Variants in GALNT10 observed in about 807,000 individuals in gnomAD.
The protein encoded by GALNT10 is GalNAc transferase 10.
Under a neutral mutation model 75.0 loss-of-function variants are expected in GALNT10, and 41 were observed. That is an observed-to-expected ratio of 0.55 (90% confidence interval 0.43 to 0.71). The LOEUF is 0.71. Ranked by LOEUF, GALNT10 falls within the 30% of genes least tolerant of loss-of-function variation. The pLI is 0.00. For missense variants in GALNT10, 727 were observed against 818.5 expected (o/e 0.89, Z 1.36); for synonymous variants, 302 against 313.0 (o/e 0.96, Z 0.37).
chr5:154,306,627 G>C (rs1183888127), intron 3 of GALNT10, among the ~76,000 whole-genome samples: 1 of 151,898 alleles, frequency 6.6e-6, no homozygotes, highest in Non-Finnish European at 1.5e-5. Flanking sequence ...ACTAGAAAAA[G>C]AAGAGCAAAT....
Position 154,415,836 on chromosome 5 carries a change from CAAG to C in GALNT10, c.1561_1563del (p.Lys521del), listed in dbSNP as rs1024673301. 1 of 1,613,998 alleles carries C rather than the reference CAAG, an allele frequency of 6.2e-7. No homozygotes were observed. The highest frequency in any genetic ancestry group is 1.3e-5 in the African/African-American group (1 of 74,908). ...TCCGGCCTGGAGACCCCCAGCACAC[CAAG>C]AAGTTCTGCTTTGATGCCATTTCCC... On this transcript the variant is annotated inframe_deletion, in exon 11 of 12. Coordinates refer to ENST00000297107, the MANE Select transcript of GALNT10 (RefSeq NM_198321.4).
chr5:154,236,513 G>A (rs1049398092), intron 1 of GALNT10, among the ~76,000 whole-genome samples: 6 of 152,150 alleles, frequency 3.9e-5, no homozygotes, highest in Admixed American at 6.5e-5. Flanking sequence ...TCTGTTAGAA[G>A]TATTTTTAAA....
intron 4 of GALNT10, among the ~76,000 whole-genome samples, chr5:154,346,141 T>C (rs958457971): frequency 6.8e-6 from 1 of 147,118 alleles, no homozygotes; most frequent in African/African-American, 2.5e-5. Context: ...CGTGTGTGCG[T>C]GTGTGTGTGT....
At chr5:154,211,765 GGAA>G (rs1775201932) in intron 1 of GALNT10, among the ~76,000 whole-genome samples, 1 of 152,064 alleles carries the variant, frequency 6.6e-6, no homozygotes, top group Admixed American at 6.6e-5. Flanking sequence ...CTTGGCAGCC[GGAA>G]GGAGACCGCA....
intron 1 of GALNT10, among the ~76,000 whole-genome samples, chr5:154,229,587 G>A (rs185780598): frequency 5.9e-5 from 9 of 152,110 alleles, no homozygotes; most frequent in South Asian, 4.1e-4. Flanking sequence ...AAAAAAATTC[G>A]CCGGGCATGG....
At chr5:154,219,867 C>CACACA (rs370278926) in intron 1 of GALNT10, among the ~76,000 whole-genome samples, 5 of 146,324 alleles carry the variant, frequency 3.4e-5, no homozygotes, top group South Asian at 2.2e-4. Flanking sequence ...CACACACACA[C>CACACA]CACAGAGAGA....
intron 1 of GALNT10, among the ~76,000 whole-genome samples, chr5:154,214,744 C>T (rs1752839945): frequency 6.6e-6 from 1 of 152,152 alleles, no homozygotes; most frequent in South Asian, 2.1e-4. Context: ...TTCTCTCCTC[C>T]ATTTTCTCAT....
intron 1 of GALNT10, among the ~76,000 whole-genome samples, chr5:154,198,748 T>A (rs1774982977): frequency 6.6e-6 from 1 of 150,600 alleles, no homozygotes; most frequent in African/African-American, 2.5e-5. Context: ...TGTTCTTTGG[T>A]TACTCCAGCC....
At chr5:154,226,242 T>C (rs1276853994) in intron 1 of GALNT10, among the ~76,000 whole-genome samples, 2 of 152,256 alleles carry the variant, frequency 1.3e-5, no homozygotes, top group Non-Finnish European at 2.9e-5. Context: ...ATCACCATAC[T>C]TTGACCTATA....
chr5:154,294,902 G>A lies in GALNT10; in HGVS notation c.246G>A (p.Arg82=), dbSNP rs771556400. ...KDWHDKEAIR[R]DAQRVGNGEQ... is the part of the protein sequence containing the mutation. ...GGCATGACAAGGAGGCCATCCGGAG[G>A]GACGCTCAGCGCGTAGGTACGGAGG... Residue 82 remains arginine, a synonymous_variant, in exon 2 of 12, where the codon AGG becomes AGA. Coordinates refer to ENST00000297107, the MANE Select transcript of GALNT10 (RefSeq NM_198321.4). 2 of 1,568,616 alleles carry A rather than the reference G, an allele frequency of 1.3e-6. No individual in the cohort carries two copies. The highest frequency in any genetic ancestry group is 4.5e-5 in the East Asian group (2 of 44,670).
intron 7 of GALNT10, among the ~76,000 whole-genome samples, chr5:154,395,778 TG>T (rs2113201054): frequency 6.6e-6 from 1 of 152,352 alleles, no homozygotes; most frequent in East Asian, 1.9e-4. Flanking sequence ...CCTGAGACGC[TG>T]TCACCATTCC....
chr5:154,381,715 T>G (rs181093787), intron 6 of GALNT10, among the ~76,000 whole-genome samples: 2 of 152,314 alleles, frequency 1.3e-5, no homozygotes, highest in East Asian at 1.9e-4. Flanking sequence ...AGAGGATGCT[T>G]ACATTCCTTG....
At chr5:154,210,662 G>T (rs1338454601) in intron 1 of GALNT10, among the ~76,000 whole-genome samples, 2 of 152,100 alleles carry the variant, frequency 1.3e-5, no homozygotes, top group Non-Finnish European at 2.9e-5. Flanking sequence ...TATTCCCAGT[G>T]CTCTACGCAG....
intron 1 of GALNT10, among the ~76,000 whole-genome samples, chr5:154,226,149 AAAAG>A (rs1753061686): frequency 6.6e-6 from 1 of 152,234 alleles, no homozygotes; most frequent in South Asian, 2.1e-4. Flanking sequence ...AAGGAAAAAA[AAAAG>A]AAATTTAACA....
At chr5:154,391,325 A>G (rs746763723) in intron 7 of GALNT10, among the ~76,000 whole-genome samples, 10 of 152,188 alleles carry the variant, frequency 6.6e-5, no homozygotes, top group South Asian at 4.2e-4. Context: ...AGAAATTAAG[A>G]TCAATCAACA....
At chr5:154,293,608 TATA>T (rs747737641) in intron 1 of GALNT10, among the ~76,000 whole-genome samples, 29 of 136,010 alleles carry the variant, frequency 2.1e-4, no homozygotes, top group African/African-American at 3.6e-4. Context: ...TATATATATA[TATA>T]TATTTTTTTT....
chr5:154,270,991 C>CAAAAA (rs5872366), intron 1 of GALNT10, among the ~76,000 whole-genome samples: 1 of 76,122 alleles, frequency 1.3e-5, no homozygotes. Flanking sequence ...GATTCCATCT[C>CAAAAA]AAAAAAAAAA....
intron 3 of GALNT10, among the ~76,000 whole-genome samples, chr5:154,315,600 G>T (rs1754584713): frequency 6.6e-6 from 1 of 152,220 alleles, no homozygotes; most frequent in Non-Finnish European, 1.5e-5. Context: ...GCCTCATTTG[G>T]GCACAGATTT....
rs1756613166 is a variant in GALNT10, at chr5:154,420,780, G to A, written c.*3808G>A. On this transcript the variant is annotated 3_prime_UTR_variant, in exon 12 of 12. Transcript: ENST00000297107. ...GGCAACAGAACAGGGTCAGACTCCT[G>A]CTCTGTTATTGGCTTGAAGACTAGG... The A allele has an allele frequency of 6.6e-6, 1 of 152,194 alleles. No individual in the cohort carries two copies. 9.4% of individuals were successfully genotyped at this position (152,194 alleles called of 1,614,324 possible). A position where few individuals can be genotyped will look rare whatever the true frequency, so the allele number is the denominator to read the frequency against.
Sources: gnomAD v4.1 joint callset for allele counts (sites outside exome capture counted in the v4.1 genomes callset) on GRCh38, gnomAD v4.1.1 for gene constraint, MANE v1.5 for transcripts, NCBI Gene and HGNC (gene_info 2026-07-23, HGNC 2026-07-21) for gene names.